RNF2: variants seen among roughly 807,000 people sequenced by gnomAD.
RNF2 encodes the protein ring finger protein 2, also known as E3 ubiquitin-protein ligase RING2.
Under a neutral mutation model 37.2 loss-of-function variants are expected in RNF2, and 6 were observed. The ratio of observed to expected loss-of-function variants is 0.16; its 90% CI spans 0.09 to 0.32. RNF2 has a LOEUF of 0.32. RNF2 is among the 10% of genes least tolerant of loss of function. The probability of loss-of-function intolerance (pLI) is 1.00; values close to 1 mark genes in which losing one functional copy is unlikely to be tolerated. For missense variants in RNF2, 251 were observed against 404.0 expected, an observed-to-expected ratio of 0.62 and a Z score of 3.25; for synonymous variants, 133 against 132.7, an observed-to-expected ratio of 1.00 and a Z score of -0.02.
At chr1:185,063,269 A>G (rs1291672472) in intron 1 of RNF2, among the ~76,000 whole-genome samples, 2 of 152,212 alleles carry the variant, frequency 1.3e-5, no homozygotes, top group African/African-American at 2.4e-5. Context: ...GGCTGCACAT[A>G]AAAACCATTT....
At chr1:185,093,929 T>A (rs1651840263) in intron 4 of RNF2, among the ~76,000 whole-genome samples, 1 of 152,202 alleles carries the variant, frequency 6.6e-6, no homozygotes, top group South Asian at 2.1e-4. Flanking sequence ...ATTTACCATC[T>A]GTATGCTGAT....
chr1:185,072,193 T>C (rs1365273416), intron 1 of RNF2, among the ~76,000 whole-genome samples: 1 of 152,072 alleles, frequency 6.6e-6, no homozygotes, highest in Non-Finnish European at 1.5e-5. Flanking sequence ...CCAAGCACAG[T>C]TGAAGCAATA....
At chr1:185,090,545 T>C (rs1324250110) in intron 2 of RNF2, among the ~76,000 whole-genome samples, 1 of 152,248 alleles carries the variant, frequency 6.6e-6, no homozygotes, top group African/African-American at 2.4e-5. Context: ...TTGAGCCCTT[T>C]ATGAACAATA....
At chr1:185,049,558 G>A (rs1399918154) in intron 1 of RNF2, among the ~76,000 whole-genome samples, 1 of 151,980 alleles carries the variant, frequency 6.6e-6, no homozygotes, top group Non-Finnish European at 1.5e-5. Context: ...AGATATCTGA[G>A]AGCAGTTAGA....
chr1:185,094,966 C>T (rs1487869752), intron 4 of RNF2, among the ~76,000 whole-genome samples: 1 of 152,112 alleles, frequency 6.6e-6, no homozygotes, highest in East Asian at 1.9e-4. Flanking sequence ...CATCCCGGTC[C>T]CAGTAATCAG....
At chr1:185,082,344 A>ATTTTTTTT (rs1557969996) in intron 1 of RNF2, among the ~76,000 whole-genome samples, 1 of 46,834 alleles carries the variant, frequency 2.1e-5, no homozygotes, top group Non-Finnish European at 4.1e-5. Flanking sequence ...CCTCTGCAGA[A>ATTTTTTTT]CTTTTTTTTT....
At chr1:185,095,307 A>G (rs1651880543) in intron 4 of RNF2, among the ~76,000 whole-genome samples, 1 of 152,280 alleles carries the variant, frequency 6.6e-6, no homozygotes, top group African/African-American at 2.4e-5. Context: ...TTTGTTGGCA[A>G]CTTTATTACA....
intron 1 of RNF2, among the ~76,000 whole-genome samples, chr1:185,058,352 C>G (rs544543460): frequency 6.6e-6 from 1 of 152,214 alleles, no homozygotes; most frequent in East Asian, 1.9e-4. Context: ...CATGGATACT[C>G]AGGGAGGACT....
intron 1 of RNF2, among the ~76,000 whole-genome samples, chr1:185,081,552 C>T (rs1397963825): frequency 8.6e-5 from 12 of 140,258 alleles, no homozygotes; most frequent in African/African-American, 3.3e-4. Flanking sequence ...TGCCACCATG[C>T]CTGACTAATT....
At chr1:185,078,529 T>A (rs764045210) in intron 1 of RNF2, among the ~76,000 whole-genome samples, 1 of 152,176 alleles carries the variant, frequency 6.6e-6, no homozygotes, top group African/African-American at 2.4e-5. Context: ...GTTTAACTCA[T>A]AAAGTATCAG....
intron 1 of RNF2, among the ~76,000 whole-genome samples, chr1:185,047,946 C>T (rs1353222917): frequency 6.6e-6 from 1 of 152,176 alleles, no homozygotes; most frequent in African/African-American, 2.4e-5. Flanking sequence ...TGTTTATTTG[C>T]ATTTAATACT....
chr1:185,050,302 G>C (rs1243251547), intron 1 of RNF2, among the ~76,000 whole-genome samples: 1 of 152,232 alleles, frequency 6.6e-6, no homozygotes, highest in Non-Finnish European at 1.5e-5. Context: ...TAGCAAATGA[G>C]TGCTATGTTT....
At chr1:185,058,039 C>T (rs751699242) in intron 1 of RNF2, among the ~76,000 whole-genome samples, 4 of 152,136 alleles carry the variant, frequency 2.6e-5, no homozygotes, top group Admixed American at 6.5e-5. Context: ...GTGGGAACAT[C>T]ACCGGAGCCT....
chr1:185,046,551 T>G (rs144658954), intron 1 of RNF2, among the ~76,000 whole-genome samples: 197 of 152,320 alleles, frequency 1.3e-3, no homozygotes, highest in African/African-American at 4.5e-3. Context: ...AATTATAGAC[T>G]CATCTATTTG....
intron 1 of RNF2, among the ~76,000 whole-genome samples, chr1:185,054,993 C>G (rs75880720): frequency 6.6e-6 from 1 of 152,228 alleles, no homozygotes; most frequent in South Asian, 2.1e-4. Context: ...AGCCAATGCA[C>G]CTGCTGTTTC....
intron 1 of RNF2, among the ~76,000 whole-genome samples, chr1:185,077,068 C>A (rs562473132): frequency 6.6e-6 from 1 of 151,982 alleles, no homozygotes; most frequent in Non-Finnish European, 1.5e-5. Flanking sequence ...TTGTTGCTAT[C>A]GTGAATGGGA....
intron 1 of RNF2, among the ~76,000 whole-genome samples, chr1:185,075,113 G>C (rs569085548): frequency 6.6e-6 from 1 of 152,114 alleles, no homozygotes; most frequent in East Asian, 1.9e-4. Context: ...TCCTGCCTTA[G>C]CCTCCCTAGT....
chr1:185,077,621 C>CTTTTTTTTTTTTTT (rs1553241118), intron 1 of RNF2, among the ~76,000 whole-genome samples: 1 of 111,588 alleles, frequency 9.0e-6, no homozygotes, highest in African/African-American at 3.9e-5. Context: ...TAGGAATTAA[C>CTTTTTTTTTTTTTT]TTTGTTTTTT....
intron 1 of RNF2, among the ~76,000 whole-genome samples, chr1:185,050,640 C>A (rs894603796): frequency 1.3e-5 from 2 of 152,208 alleles, no homozygotes; most frequent in African/African-American, 2.4e-5. Flanking sequence ...TTTTAGACAT[C>A]ATTTCTTCCT....
Sources: allele counts gnomAD v4.1 joint callset (sites outside exome capture counted in the v4.1 genomes callset), GRCh38; gene constraint gnomAD v4.1.1; transcripts MANE v1.5; gene names NCBI Gene and HGNC (gene_info 2026-07-23, HGNC 2026-07-21).